Variants in STPG2 observed in about 807,000 individuals in gnomAD.
STPG2 encodes sperm-tail PG-rich repeat-containing protein 2.
In STPG2, 56 loss-of-function variants were observed where a neutral mutation model predicts 54.2. The observed-to-expected ratio is 1.03, with a 90% confidence interval of 0.83 to 1.29. The LOEUF (loss-of-function observed/expected upper bound fraction) is 1.29. Among genes scored for constraint, STPG2 ranks in the 50% most tolerant of loss-of-function variants. The pLI is 0.00. For missense variants in STPG2, 596 were observed against 544.9 expected (o/e 1.09, Z -0.93); for synonymous variants, 200 against 181.8 (o/e 1.10, Z -0.81).
At chr4:97,568,375 C>T (rs762250207) in intron 10 of STPG2, among the ~76,000 whole-genome samples, 9 of 152,032 alleles carry the variant, frequency 5.9e-5, no homozygotes, top group Non-Finnish European at 8.8e-5. Context: ...GATGTTACAT[C>T]TCACATTGGA....
At chr4:97,553,073 C>T (rs1428558842) in intron 4 of STPG2, among the ~76,000 whole-genome samples, 5 of 152,216 alleles carry the variant, frequency 3.3e-5, no homozygotes, top group African/African-American at 1.2e-4. Context: ...GGCAATGTTC[C>T]TCTTTATAGT....
intron 9 of STPG2, among the ~76,000 whole-genome samples, chr4:97,779,583 C>T (rs1259605564): frequency 1.3e-5 from 2 of 152,094 alleles, no homozygotes; most frequent in South Asian, 2.1e-4. Flanking sequence ...ACAGAGACCA[C>T]CACAAAGATA....
chr4:98,140,533 A>AGTGCCTGTTTG (rs1740252570), intron 1 of STPG2, among the ~76,000 whole-genome samples: 1 of 152,182 alleles, frequency 6.6e-6, no homozygotes, highest in Non-Finnish European at 1.5e-5. Flanking sequence ...AACTAATCAA[A>AGTGCCTGTTTG]CAGGCACTGA....
At chr4:97,702,939 T>A (rs1723821198) in intron 10 of STPG2, among the ~76,000 whole-genome samples, 1 of 152,150 alleles carries the variant, frequency 6.6e-6, no homozygotes, top group Non-Finnish European at 1.5e-5. Flanking sequence ...AGACTCTGAC[T>A]CAGGGCAATC....
At chr4:97,660,243 C>T (rs1286699952) in intron 10 of STPG2, among the ~76,000 whole-genome samples, 2 of 152,292 alleles carry the variant, frequency 1.3e-5, no homozygotes, top group African/African-American at 4.8e-5. Context: ...CCTCGCAATC[C>T]GCCCGCCTCG....
chr4:97,479,372 C>T, intron 4 of STPG2, among the ~76,000 whole-genome samples: 1 of 151,860 alleles, frequency 6.6e-6, no homozygotes, highest in Non-Finnish European at 1.5e-5. Flanking sequence ...CTTATTCTCA[C>T]CAAAATGCAC....
chr4:97,606,217 C>G (rs1051229865), intron 10 of STPG2, among the ~76,000 whole-genome samples: 1 of 151,794 alleles, frequency 6.6e-6, no homozygotes, highest in Non-Finnish European at 1.5e-5. Context: ...TTAAGCATAG[C>G]AATGCTCGTT....
At chr4:97,809,577 T>C (rs1041201404) in intron 9 of STPG2, among the ~76,000 whole-genome samples, 2 of 152,214 alleles carry the variant, frequency 1.3e-5, no homozygotes, top group African/African-American at 4.8e-5. Context: ...CTTGGCTAGC[T>C]TGAGGATGGA....
At chr4:97,465,719 A>G (rs549139317) in intron 4 of STPG2, among the ~76,000 whole-genome samples, 1 of 152,170 alleles carries the variant, frequency 6.6e-6, no homozygotes, top group South Asian at 2.1e-4. Context: ...ATTACTTATA[A>G]TACCTAATAC....
At chr4:98,136,287 G>C (rs1740133174) in intron 1 of STPG2, among the ~76,000 whole-genome samples, 4 of 151,428 alleles carry the variant, frequency 2.6e-5, no homozygotes, top group Admixed American at 2.6e-4. Flanking sequence ...ACCTGTGATG[G>C]AGTTACTTCC....
intron 7 of STPG2, among the ~76,000 whole-genome samples, chr4:97,953,383 C>T (rs1733546061): frequency 6.6e-6 from 1 of 152,276 alleles, no homozygotes; most frequent in Admixed American, 6.5e-5. Flanking sequence ...CTCAAAATGC[C>T]CCAGGCCATA....
At chr4:97,864,681 A>C (rs1729693622) in intron 8 of STPG2, among the ~76,000 whole-genome samples, 1 of 152,160 alleles carries the variant, frequency 6.6e-6, no homozygotes, top group South Asian at 2.1e-4. Flanking sequence ...ACACTACCTG[A>C]CTTCAAACTA....
chr4:97,736,467 G>A (rs545582911), intron 9 of STPG2, among the ~76,000 whole-genome samples: 4 of 152,188 alleles, frequency 2.6e-5, no homozygotes, highest in Non-Finnish European at 2.9e-5. Context: ...AAAGAAAGGG[G>A]TGACAGATGG....
At chr4:97,467,858 T>A (rs1397431840) in intron 4 of STPG2, among the ~76,000 whole-genome samples, 3 of 150,690 alleles carry the variant, frequency 2.0e-5, no homozygotes, top group Non-Finnish European at 3.0e-5. Flanking sequence ...TTTTTTTTTT[T>A]AAGATGGGAT....
At chr4:97,682,174 G>T (rs1723058398) in intron 10 of STPG2, among the ~76,000 whole-genome samples, 1 of 151,408 alleles carries the variant, frequency 6.6e-6, no homozygotes, top group South Asian at 2.1e-4. Flanking sequence ...TCTCTACTAG[G>T]CATACAAAAG....
At chr4:98,022,707 T>C (rs1447019023) in intron 5 of STPG2, among the ~76,000 whole-genome samples, 1 of 152,196 alleles carries the variant, frequency 6.6e-6, no homozygotes, top group Non-Finnish European at 1.5e-5. Flanking sequence ...CTTGGAGACT[T>C]TGTCCGTTTC....
chr4:97,615,063 G>A (rs1008497788), intron 10 of STPG2, among the ~76,000 whole-genome samples: 5 of 152,014 alleles, frequency 3.3e-5, no homozygotes, highest in African/African-American at 1.2e-4. Context: ...TTCTTTGGGG[G>A]CACTGTCCCC....
intron 10 of STPG2, among the ~76,000 whole-genome samples, chr4:97,584,583 A>T (rs1490435006): frequency 6.6e-6 from 1 of 152,004 alleles, no homozygotes; most frequent in Non-Finnish European, 1.5e-5. Context: ...GATAAATGAA[A>T]CAAAAAGCTG....
intron 4 of STPG2, among the ~76,000 whole-genome samples, chr4:97,530,080 T>C (rs1731381036): frequency 6.6e-6 from 1 of 152,190 alleles, no homozygotes; most frequent in Non-Finnish European, 1.5e-5. Context: ...TATAACGTAT[T>C]GTACAAAATA....
Sources: gnomAD v4.1 joint callset for allele counts (sites outside exome capture counted in the v4.1 genomes callset) on GRCh38, gnomAD v4.1.1 for gene constraint, MANE v1.5 for transcripts, NCBI Gene and HGNC (gene_info 2026-07-23, HGNC 2026-07-21) for gene names.